The following ENPP2 variants were observed in gnomAD, a reference collection of about 807,000 sequenced individuals.
ENPP2 encodes autotaxin.
A neutral mutation model predicts 120.2 loss-of-function variants in ENPP2; 51 were observed. The observed-to-expected ratio is 0.42, with a 90% CI of 0.34 to 0.54. The LOEUF (loss-of-function observed/expected upper bound fraction) is 0.54. Ranked by LOEUF, ENPP2 falls within the 20% of genes least tolerant of loss-of-function variation. The probability of loss-of-function intolerance (pLI) is 0.04; values close to 1 mark genes in which losing one functional copy is unlikely to be tolerated. For missense variants in ENPP2, 920 were observed against 1,066.5 expected (o/e 0.86, Z 1.91); for synonymous variants, 365 against 366.4 (o/e 1.00, Z 0.04).
At chr8:119,615,322 T>G (rs189324517) in intron 8 of ENPP2, among the ~76,000 whole-genome samples, 43 of 152,266 alleles carry the variant, frequency 2.8e-4, no homozygotes, top group African/African-American at 1.0e-3. Context: ...TCTACATGTT[T>G]CTGATTGCCT....
rs1055843219 is a variant in ENPP2 at position 119,631,702 on chromosome 8, G to A, written c.137-4982C>T. 5.9e-5 allele frequency among the ~76,000 whole-genome samples: 9 copies of A among 152,200 alleles called. 1 individual carries two copies. Among genetic ancestry groups the A allele is most frequent in the South Asian group, 4.1e-4 (2 of 4,820 alleles). On this transcript the variant is annotated intron_variant, in intron 2 of 24. Coordinates refer to ENST00000075322, the MANE Select transcript of ENPP2 (RefSeq NM_001040092.3). ...ACTCTGCCTTTCCAGGGTCTATTCC[G>A]TCCCAGCCATCTTCTTTCACGACAA...
chr8:119,601,582 C>T (rs2289889), intron 9 of ENPP2, 120 bp from the exon 10 acceptor site: 346,057 of 688,240 alleles, frequency 0.5, 89,384 homozygotes, highest in South Asian at 0.7. Context: ...TCTGTTTTCA[C>T]TTCATTTGTA....
intron 9 of ENPP2, among the ~76,000 whole-genome samples, chr8:119,605,040 T>C (rs1192349054): frequency 6.6e-6 from 1 of 152,156 alleles, no homozygotes; most frequent in Non-Finnish European, 1.5e-5. Context: ...CCCAAAGTGC[T>C]GGGATTACAG....
intron 4 of ENPP2, 88 bp from the exon 5 acceptor site, chr8:119,619,392 T>G: frequency 2.2e-6 from 2 of 906,010 alleles, no homozygotes; most frequent in Non-Finnish European, 3.5e-6. Context: ...TGTGTCCTGT[T>G]TGATACTTTC....
At chr8:119,597,107 A>C (rs150268052) in intron 11 of ENPP2, among the ~76,000 whole-genome samples, 97 of 152,312 alleles carry the variant, frequency 6.4e-4, no homozygotes, top group Non-Finnish European at 9.6e-4. Flanking sequence ...CACTGTTTCC[A>C]GGGCAAGCCA....
At chr8:119,658,385 C>T (rs1817827468) in intron 1 of ENPP2, among the ~76,000 whole-genome samples, 1 of 152,208 alleles carries the variant, frequency 6.6e-6, no homozygotes, top group South Asian at 2.1e-4. Context: ...ATCCTCCTGC[C>T]TCGGCCTTCT....
intron 1 of ENPP2, among the ~76,000 whole-genome samples, chr8:119,658,818 G>C (rs1330137138): frequency 6.6e-6 from 1 of 152,140 alleles, no homozygotes; most frequent in East Asian, 1.9e-4. Context: ...TGGCACACAG[G>C]GATGTTCAAC....
rs369158844 is a variant in ENPP2 at position 119,621,390 on chromosome 8, G to A, written c.418+4C>T. On this transcript the variant is annotated splice_donor_region_variant and intron_variant, in intron 4 of 24. Transcript: ENST00000075322. ...AGCTCAGGCCAATCCAAAGAAACACGTACCTTTGCAAACCACTTGGTAATT... is the reference window on the plus strand; with the variant it reads ...AGCTCAGGCCAATCCAAAGAAACACATACCTTTGCAAACCACTTGGTAATT... 1.9e-5 allele frequency: 30 copies of A among 1,612,458 alleles called. No homozygotes were observed. The highest frequency in any genetic ancestry group is 2.3e-5 in the Non-Finnish European group (27 of 1,178,978).
intron 1 of ENPP2, among the ~76,000 whole-genome samples, chr8:119,659,658 A>AT (rs1817866859): frequency 6.6e-6 from 1 of 152,182 alleles, no homozygotes; most frequent in South Asian, 2.1e-4. Flanking sequence ...GGCCATTCTA[A>AT]TATGCTTAAC....
intron 13 of ENPP2, among the ~76,000 whole-genome samples, chr8:119,589,548 T>G (rs1563702671): frequency 1.3e-5 from 2 of 152,156 alleles, no homozygotes; most frequent in Admixed American, 6.5e-5. Flanking sequence ...CCATAGTGAC[T>G]GCATCCAGTC....
At position 119,623,232 on chromosome 8, in the gene ENPP2, G is replaced by A. The variant is rs533856543; in HGVS notation, c.293-1713C>T. The stretch of plus-strand genomic sequence containing the variant: ...TGTAATCCCAGCACTTTGGGAGGCC[G>A]AGGCAGGTGGATCGTGAGGTCAGGA... On this transcript the variant is annotated intron_variant, in intron 3 of 24. Coordinates refer to ENST00000075322, the MANE Select transcript of ENPP2 (RefSeq NM_001040092.3). Among the ~76,000 whole-genome samples, 5 of 152,150 alleles carry A rather than the reference G, an allele frequency of 3.3e-5. No individual in the cohort carries two copies. In the South Asian group the frequency reaches 6.2e-4, roughly 19 times the overall value.
chr8:119,620,161 C>A (rs1236019495), intron 4 of ENPP2, among the ~76,000 whole-genome samples: 1 of 152,160 alleles, frequency 6.6e-6, no homozygotes, highest in Non-Finnish European at 1.5e-5. Flanking sequence ...AGAGCACACA[C>A]GTGGGCCTCA....
chr8:119,654,347 T>C (rs1459270883), intron 1 of ENPP2, among the ~76,000 whole-genome samples: 1 of 142,458 alleles, frequency 7.0e-6, no homozygotes, highest in Non-Finnish European at 1.5e-5. Context: ...TATATCTCTG[T>C]ATAATATTTA....
chr8:119,603,095 C>T lies in ENPP2; in HGVS notation c.834-1633G>A, dbSNP rs558893884. On this transcript the variant is annotated intron_variant, in intron 9 of 24. Transcript: ENST00000075322. ...TATTGGATAAATGCGACCCTGATCA[C>T]TATATCCTATAATTGAATTAGAAAT... Among the ~76,000 whole-genome samples the T allele has an allele frequency of 1.5e-4, 23 of 152,276 alleles. No individual in the cohort carries two copies. In the South Asian group the frequency reaches 4.3e-3, roughly 29 times the overall value.
intron 9 of ENPP2, among the ~76,000 whole-genome samples, chr8:119,604,592 A>C (rs1033186895): frequency 6.0e-4 from 91 of 151,736 alleles, no homozygotes; most frequent in Admixed American, 2.4e-3. Context: ...ATGGTCAAAA[A>C]AAAAAAAAAA....
At chr8:119,625,962 A>G (rs1388784313) in intron 3 of ENPP2, among the ~76,000 whole-genome samples, 1 of 152,226 alleles carries the variant, frequency 6.6e-6, no homozygotes, top group Non-Finnish European at 1.5e-5. Flanking sequence ...CCATTTGCAG[A>G]CGGCAGGGAA....
intron 1 of ENPP2, among the ~76,000 whole-genome samples, chr8:119,648,462 C>T (rs1817536907): frequency 6.6e-6 from 1 of 152,198 alleles, no homozygotes; most frequent in African/African-American, 2.4e-5. Context: ...CTGGAAACAG[C>T]TTTGAAGGAC....
intron 22 of ENPP2, among the ~76,000 whole-genome samples, chr8:119,565,878 ATG>A (rs916573062): frequency 1.7e-4 from 25 of 151,316 alleles, no homozygotes; most frequent in African/African-American, 4.4e-4. Flanking sequence ...TTGCACGCAC[ATG>A]CACACACACA....
At chr8:119,560,760 G>A (rs1466723076) in intron 24 of ENPP2, among the ~76,000 whole-genome samples, 3 of 152,128 alleles carry the variant, frequency 2.0e-5, no homozygotes, top group African/African-American at 7.2e-5. Context: ...AAGAGGATGG[G>A]CTCTTGGAGT....
Sources: allele counts gnomAD v4.1 joint callset (sites outside exome capture counted in the v4.1 genomes callset), GRCh38; gene constraint gnomAD v4.1.1; transcripts MANE v1.5; gene names NCBI Gene and HGNC (gene_info 2026-07-23, HGNC 2026-07-21).